CSMD3: variants seen among roughly 807,000 people sequenced by gnomAD.
The protein encoded by CSMD3 is CUB and Sushi multiple domains 3, also known as CUB and sushi domain-containing protein 3.
A neutral mutation model predicts 435.2 loss-of-function variants in CSMD3; 177 were observed. That is an observed-to-expected ratio of 0.41 (90% CI 0.36 to 0.46). The LOEUF is 0.46. Ranked by LOEUF, CSMD3 falls within the 20% of genes least tolerant of loss-of-function variation. The pLI is 0.34. For missense variants in CSMD3, 4,265 were observed against 4,504.6 expected (o/e 0.95, Z 1.52); for synonymous variants, 1,656 against 1,520.5 (o/e 1.09, Z -2.07).
chr8:113,093,452 C>CAACA (rs1305305096), intron 5 of CSMD3, among the ~76,000 whole-genome samples: 3 of 152,176 alleles, frequency 2.0e-5, no homozygotes, highest in Admixed American at 2.0e-4. Flanking sequence ...AGGTAATAAT[C>CAACA]AACAAAGTCA....
chr8:113,023,028 A>C (rs1321485839), intron 5 of CSMD3, among the ~76,000 whole-genome samples: 1 of 152,096 alleles, frequency 6.6e-6, no homozygotes, highest in Non-Finnish European at 1.5e-5. Flanking sequence ...AGTTAAACAT[A>C]AGAAAATTGA....
At chr8:113,268,771 G>A (rs1028035920) in intron 3 of CSMD3, among the ~76,000 whole-genome samples, 2 of 152,028 alleles carry the variant, frequency 1.3e-5, no homozygotes, top group African/African-American at 4.8e-5. Flanking sequence ...GAGATATTAA[G>A]TAGAACTTCA....
intron 32 of CSMD3, among the ~76,000 whole-genome samples, chr8:112,419,502 T>A (rs1265795283): frequency 6.6e-6 from 1 of 152,202 alleles, no homozygotes; most frequent in African/African-American, 2.4e-5. Context: ...GAATCTAGGT[T>A]TGCTTTGAAC....
chr8:113,279,991 C>T lies in CSMD3; in HGVS notation c.402-1287G>A, dbSNP rs866814862. Reference sequence around the variant, plus strand: ...ATTTATTGACTTACGTATGTTAAACCATCCCTGAATCTCTGGTGTCAAACC... The same window carrying T: ...ATTTATTGACTTACGTATGTTAAACTATCCCTGAATCTCTGGTGTCAAACC... On this transcript the variant is annotated intron_variant, in intron 2 of 70. Coordinates refer to ENST00000297405, the MANE Select transcript of CSMD3 (RefSeq NM_198123.2). Among the ~76,000 whole-genome samples the T allele has an allele frequency of 4.0e-5, 6 of 151,758 alleles. 1 individual carries two copies. The highest frequency in any genetic ancestry group is 2.1e-4 in the South Asian group (1 of 4,824).
intron 27 of CSMD3, among the ~76,000 whole-genome samples, chr8:112,526,377 T>C (rs1413477683): frequency 6.6e-6 from 1 of 151,968 alleles, no homozygotes; most frequent in African/African-American, 2.4e-5. Context: ...TATTTATTTT[T>C]TGAATCAGCT....
intron 6 of CSMD3, among the ~76,000 whole-genome samples, chr8:113,002,284 C>T (rs1185155737): frequency 6.6e-6 from 1 of 152,024 alleles, no homozygotes; most frequent in Non-Finnish European, 1.5e-5. Context: ...AGTATGCACT[C>T]ATAATAAGAA....
At chr8:112,502,575 T>C (rs77121948) in intron 30 of CSMD3, among the ~76,000 whole-genome samples, 2,813 of 152,314 alleles carry the variant, frequency 0.018, 42 homozygotes, top group Non-Finnish European at 0.027. Flanking sequence ...TCATGTGTTG[T>C]GAAATTTATC....
At chr8:112,907,791 A>G (rs1021834391) in intron 10 of CSMD3, among the ~76,000 whole-genome samples, 30 of 151,564 alleles carry the variant, frequency 2.0e-4, no homozygotes, top group African/African-American at 6.7e-4. Context: ...GAGTTGAATG[A>G]TATAGCAATG....
chr8:113,036,167 T>C (rs1225041042), intron 5 of CSMD3, among the ~76,000 whole-genome samples: 1 of 152,010 alleles, frequency 6.6e-6, no homozygotes, highest in East Asian at 1.9e-4. Flanking sequence ...CTATGTTGGA[T>C]CTAGTCTTCA....
chr8:112,515,924 A>C (rs1373157559), intron 28 of CSMD3, among the ~76,000 whole-genome samples: 1 of 151,934 alleles, frequency 6.6e-6, no homozygotes, highest in African/African-American at 2.4e-5. Flanking sequence ...TTTTATTGCT[A>C]ATTTCCCACT....
intron 3 of CSMD3, among the ~76,000 whole-genome samples, chr8:113,208,153 C>T (rs2092792242): frequency 6.6e-6 from 1 of 152,166 alleles, no homozygotes; most frequent in East Asian, 1.9e-4. Context: ...TGAATGAAAC[C>T]TTACAGGAAA....
chr8:112,226,446 C>T lies in CSMD3; in HGVS notation c.10965-1516G>A, dbSNP rs188585828. Among the ~76,000 whole-genome samples the T allele has an allele frequency of 5.3e-5, 8 of 152,174 alleles. No individual in the cohort carries two copies. In the East Asian group the frequency reaches 1.5e-3, roughly 29 times the overall value. ...ATTTAACTCAAAATGAATCATAGCC[C>T]TAAACACAAGAGCCAAATTCATAAA... On this transcript the variant is annotated intron_variant, in intron 70 of 70. Coordinates refer to ENST00000297405, the MANE Select transcript of CSMD3 (RefSeq NM_198123.2).
At chr8:113,344,315 G>A (rs902356808) in intron 1 of CSMD3, among the ~76,000 whole-genome samples, 1 of 151,966 alleles carries the variant, frequency 6.6e-6, no homozygotes, top group Non-Finnish European at 1.5e-5. Context: ...CTTGCTGGTT[G>A]ATTCACATCT....
chr8:112,581,725 T>C (rs1830349284), intron 23 of CSMD3, among the ~76,000 whole-genome samples: 1 of 152,030 alleles, frequency 6.6e-6, no homozygotes, highest in Admixed American at 6.6e-5. Context: ...ATAGCATGCG[T>C]TCTATTGGAG....
intron 25 of CSMD3, among the ~76,000 whole-genome samples, chr8:112,556,234 T>C (rs1828105570): frequency 6.6e-6 from 1 of 150,706 alleles, no homozygotes; most frequent in Admixed American, 6.6e-5. Flanking sequence ...GTACCCCAGC[T>C]ATGCAAAGAA....
At chr8:112,272,620 A>G (rs186552672) in intron 59 of CSMD3, among the ~76,000 whole-genome samples, 32 of 152,202 alleles carry the variant, frequency 2.1e-4, no homozygotes, top group Non-Finnish European at 1.6e-4. Context: ...GAAGCCCTCT[A>G]AATACGTGAT....
At chr8:113,402,217 C>T (rs2094513538) in intron 1 of CSMD3, among the ~76,000 whole-genome samples, 1 of 131,626 alleles carries the variant, frequency 7.6e-6, no homozygotes, top group Non-Finnish European at 1.7e-5. Flanking sequence ...TTTCATTTGA[C>T]AGCTGTTTTC....
intron 13 of CSMD3, among the ~76,000 whole-genome samples, chr8:112,753,154 T>C (rs1308967747): frequency 6.6e-6 from 1 of 152,092 alleles, no homozygotes; most frequent in African/African-American, 2.4e-5. Flanking sequence ...TTTGCTGACA[T>C]CAAAAGATAT....
At chr8:112,319,703 C>T (rs776903131) in intron 46 of CSMD3, among the ~76,000 whole-genome samples, 198 bp downstream of exon 46, 8 of 152,098 alleles carry the variant, frequency 5.3e-5, no homozygotes, top group Non-Finnish European at 8.8e-5. Context: ...TCCAGAAAAA[C>T]AAAATTAATT....
Sources: allele counts gnomAD v4.1 joint callset (sites outside exome capture counted in the v4.1 genomes callset), GRCh38; gene constraint gnomAD v4.1.1; transcripts MANE v1.5; gene names NCBI Gene and HGNC (gene_info 2026-07-23, HGNC 2026-07-21).